TSPAN5: variants seen among roughly 807,000 people sequenced by gnomAD.
TSPAN5 encodes the protein tetraspanin-5.
A neutral mutation model predicts 37.1 loss-of-function variants in TSPAN5; 10 were observed. The ratio of observed to expected loss-of-function variants is 0.27; its 90% CI spans 0.17 to 0.46. TSPAN5 has a LOEUF of 0.46. Ranked by LOEUF, TSPAN5 falls within the 20% of genes least tolerant of loss-of-function variation. TSPAN5 has a pLI of 1.00. For synonymous variants in TSPAN5, 110 were observed against 118.9 expected (o/e 0.93, Z 0.48); for missense variants, 195 against 326.6 (o/e 0.60, Z 3.11).
At chr4:98,612,718 C>A (rs1028808348) in intron 1 of TSPAN5, among the ~76,000 whole-genome samples, 4 of 151,798 alleles carry the variant, frequency 2.6e-5, no homozygotes, top group Admixed American at 6.5e-5. Context: ...GCTCCCCTAT[C>A]TCTGGCCACA....
intron 7 of TSPAN5, among the ~76,000 whole-genome samples, chr4:98,475,342 ACTATGTG>A (rs1752668638): frequency 6.6e-6 from 1 of 152,202 alleles, no homozygotes; most frequent in African/African-American, 2.4e-5. Context: ...ATTTGTTTCA[ACTATGTG>A]CTCTTTGGAA....
At chr4:98,582,564 C>T (rs1755394381) in intron 1 of TSPAN5, among the ~76,000 whole-genome samples, 1 of 152,224 alleles carries the variant, frequency 6.6e-6, no homozygotes. Flanking sequence ...CAAATCTCAT[C>T]TCCAAAAAGC....
intron 1 of TSPAN5, among the ~76,000 whole-genome samples, chr4:98,607,948 T>C (rs1177074991): frequency 6.6e-6 from 1 of 152,146 alleles, no homozygotes; most frequent in Admixed American, 6.5e-5. Flanking sequence ...TGACCGCAAG[T>C]GATCCGCCTG....
At chr4:98,579,630 T>C (rs1486153378) in intron 1 of TSPAN5, among the ~76,000 whole-genome samples, 3 of 152,218 alleles carry the variant, frequency 2.0e-5, no homozygotes, top group Non-Finnish European at 4.4e-5. Context: ...ACAAGAAAAT[T>C]GCGTTACAAG....
intron 1 of TSPAN5, among the ~76,000 whole-genome samples, chr4:98,612,463 G>C (rs1756220596): frequency 6.6e-6 from 1 of 152,152 alleles, no homozygotes; most frequent in Non-Finnish European, 1.5e-5. Flanking sequence ...TTCAGTTCTT[G>C]TCATGTTCTC....
intron 1 of TSPAN5, among the ~76,000 whole-genome samples, chr4:98,529,183 G>T (rs1373593652): frequency 6.6e-6 from 1 of 152,196 alleles, no homozygotes; most frequent in African/African-American, 2.4e-5. Flanking sequence ...TTACATCCAA[G>T]CATTCATTTA....
chr4:98,544,461 A>G (rs1331648695), intron 1 of TSPAN5, among the ~76,000 whole-genome samples: 1 of 152,022 alleles, frequency 6.6e-6, no homozygotes, highest in Non-Finnish European at 1.5e-5. Flanking sequence ...CACAGTCCCA[A>G]CCTCATGTAG....
intron 1 of TSPAN5, among the ~76,000 whole-genome samples, chr4:98,539,539 C>T (rs1003797257): frequency 1.3e-5 from 2 of 152,172 alleles, no homozygotes; most frequent in African/African-American, 4.8e-5. Context: ...CTTACTGGGA[C>T]ATTCATGCCT....
At chr4:98,578,644 T>A (rs746375004) in intron 1 of TSPAN5, among the ~76,000 whole-genome samples, 9 of 152,158 alleles carry the variant, frequency 5.9e-5, no homozygotes, top group Non-Finnish European at 8.8e-5. Flanking sequence ...GTTCTCAAAC[T>A]CCTGACCTCG....
intron 1 of TSPAN5, among the ~76,000 whole-genome samples, chr4:98,548,224 G>C (rs575031795): frequency 3.3e-5 from 5 of 152,006 alleles, no homozygotes; most frequent in Non-Finnish European, 7.4e-5. Context: ...AGTTCACTTA[G>C]AGAGTTAAGT....
chr4:98,571,041 G>T (rs1027568410), intron 1 of TSPAN5, among the ~76,000 whole-genome samples: 1 of 151,848 alleles, frequency 6.6e-6, no homozygotes, highest in Non-Finnish European at 1.5e-5. Context: ...TGTAGTAAAA[G>T]TTACTGTAAC....
chr4:98,531,469 C>A (rs1422125978), intron 1 of TSPAN5, among the ~76,000 whole-genome samples: 1 of 152,150 alleles, frequency 6.6e-6, no homozygotes, highest in Non-Finnish European at 1.5e-5. Flanking sequence ...CAGTCTATCA[C>A]TGATGGACAT....
intron 1 of TSPAN5, among the ~76,000 whole-genome samples, chr4:98,599,523 T>C (rs1230844902): frequency 6.6e-6 from 1 of 152,172 alleles, no homozygotes; most frequent in Non-Finnish European, 1.5e-5. Flanking sequence ...CATCCAACCA[T>C]GTAACCATCC....
At position 98,492,755 on chromosome 4, in the gene TSPAN5, A is replaced by G. The variant is rs1236155343; in HGVS notation, c.133-5871T>C. On this transcript the variant is annotated intron_variant, in intron 2 of 7. Coordinates refer to ENST00000305798, the MANE Select transcript of TSPAN5 (RefSeq NM_005723.4). ...GTTAACTCACTATGAATTCAGCATC[A>G]TCAATGAAATGAGCAGTTCTGTGGA... Among the ~76,000 whole-genome samples, 10 of 152,212 alleles carry G rather than the reference A, an allele frequency of 6.6e-5. 1 individual carries two copies. The highest frequency in any genetic ancestry group is 5.2e-4 in the Admixed American group (8 of 15,282).
chr4:98,555,897 C>T (rs1470297425), intron 1 of TSPAN5, among the ~76,000 whole-genome samples: 8 of 152,210 alleles, frequency 5.3e-5, no homozygotes, highest in Middle Eastern at 3.4e-3. Flanking sequence ...GTTAGGATAT[C>T]CTTAGCAAAA....
intron 1 of TSPAN5, among the ~76,000 whole-genome samples, chr4:98,638,471 C>T (rs577972357): frequency 3.9e-5 from 6 of 152,314 alleles, no homozygotes; most frequent in South Asian, 2.1e-4. Flanking sequence ...CACATCTGAA[C>T]GCATTTAACT....
rs1023080473 is a variant in TSPAN5, at chr4:98,476,102, A to C, written c.741+87T>G. 3 of 978,870 alleles carry C rather than the reference A, an allele frequency of 3.1e-6. No individual in the cohort carries two copies. In the African/African-American group the frequency reaches 4.9e-5, roughly 16 times the overall value. 60.6% of individuals were successfully genotyped at this position (978,870 alleles called of 1,614,324 possible). ...ATGTGTCTTAAAAACTATGACAATC[A>C]AGGTTTTTAAGCAAAGCTCCGATCC... On this transcript the variant is annotated intron_variant, in intron 7 of 7. Coordinates refer to ENST00000305798, the MANE Select transcript of TSPAN5 (RefSeq NM_005723.4).
chr4:98,521,146 G>C (rs1319211366), intron 1 of TSPAN5, among the ~76,000 whole-genome samples: 1 of 152,150 alleles, frequency 6.6e-6, no homozygotes, highest in East Asian at 1.9e-4. Flanking sequence ...TGGTCAGGCG[G>C]GTCTTGAACT....
At chr4:98,475,806 G>A (rs901607510) in intron 7 of TSPAN5, among the ~76,000 whole-genome samples, 7 of 152,016 alleles carry the variant, frequency 4.6e-5, no homozygotes, top group Non-Finnish European at 7.4e-5. Context: ...TAGCTAACAC[G>A]GTGAAACCCC....
Sources: allele counts gnomAD v4.1 joint callset (sites outside exome capture counted in the v4.1 genomes callset), GRCh38; gene constraint gnomAD v4.1.1; transcripts MANE v1.5; gene names NCBI Gene and HGNC (gene_info 2026-07-23, HGNC 2026-07-21).